Variants in BDKRB2 observed in about 807,000 individuals in gnomAD.
BDKRB2 encodes bradykinin receptor B2, also known as B2 bradykinin receptor.
BDKRB2 carries 6 observed loss-of-function variants against 4.0 expected under a neutral mutation model. The observed-to-expected ratio is 1.49, with a 90% confidence interval of 0.81 to 2.93. The LOEUF (loss-of-function observed/expected upper bound fraction) is 2.93, where lower values mean the gene tolerates loss of function less well. Ranked by LOEUF, BDKRB2 falls within the 30% of genes most tolerant of loss-of-function variation. The probability of loss-of-function intolerance (pLI) is 0.00; values close to 1 mark genes in which losing one functional copy is unlikely to be tolerated. For missense variants in BDKRB2, 478 were observed against 520.1 expected (o/e 0.92, Z 0.79); for synonymous variants, 225 against 215.3 (o/e 1.05, Z -0.40).
At chr14:96,208,488 G>A (rs923342617) in intron 1 of BDKRB2, among the ~76,000 whole-genome samples, 4 of 152,152 alleles carry the variant, frequency 2.6e-5, no homozygotes, top group African/African-American at 9.7e-5. Context: ...CCTGTACAAT[G>A]GGGAGCATCA....
intron 1 of BDKRB2, among the ~76,000 whole-genome samples, chr14:96,209,680 A>G (rs1265285642): frequency 6.6e-6 from 1 of 152,238 alleles, no homozygotes; most frequent in East Asian, 1.9e-4. Context: ...TGCTCAGTCA[A>G]TCTGCATTTT....
intron 1 of BDKRB2, among the ~76,000 whole-genome samples, chr14:96,218,412 G>A (rs545195418): frequency 6.6e-6 from 1 of 152,066 alleles, no homozygotes; most frequent in Non-Finnish European, 1.5e-5. Context: ...GATGACCTTA[G>A]CCAAGGCTCT....
At chr14:96,224,788 C>T (rs989367920) in intron 1 of BDKRB2, among the ~76,000 whole-genome samples, 5 of 152,162 alleles carry the variant, frequency 3.3e-5, no homozygotes, top group East Asian at 1.9e-4. Context: ...CTAGAAAAGG[C>T]GTAACATTGG....
Position 96,241,204 on chromosome 14 carries a change from G to A in BDKRB2, c.876G>A (p.Leu292=). Residue 292 remains leucine, a synonymous_variant, in exon 3 of 3, where the codon CTG becomes CTA. Coordinates refer to ENST00000554311, the MANE Select transcript of BDKRB2 (RefSeq NM_001379692.1). ...TGCCCTTCCAGATCAGCACCTTCCTGGATACGCTGCATCGCCTCGGCATCC... is the reference window on the plus strand; with the variant it reads ...TGCCCTTCCAGATCAGCACCTTCCTAGATACGCTGCATCGCCTCGGCATCC... ...CWLPFQISTF[L]DTLHRLGILS... 3.1e-6 allele frequency: 5 copies of A among 1,608,550 alleles called. No individual in the cohort carries two copies. The highest frequency in any genetic ancestry group is 4.3e-6 in the Non-Finnish European group (5 of 1,176,366).
chr14:96,224,718 A>G (rs1890654747), intron 1 of BDKRB2, among the ~76,000 whole-genome samples: 1 of 152,068 alleles, frequency 6.6e-6, no homozygotes, highest in Admixed American at 6.6e-5. Flanking sequence ...GTCCTGAGAG[A>G]TTCTGGGCCC....
chr14:96,223,933 A>G (rs1174370042), intron 1 of BDKRB2, among the ~76,000 whole-genome samples: 3 of 152,152 alleles, frequency 2.0e-5, no homozygotes, highest in Non-Finnish European at 4.4e-5. Context: ...ACCAGCTGTG[A>G]AGAAAGTAGC....
chr14:96,213,475 C>A (rs1259730241), intron 1 of BDKRB2, among the ~76,000 whole-genome samples: 2 of 147,458 alleles, frequency 1.4e-5, no homozygotes, highest in Non-Finnish European at 3.0e-5. Context: ...TCTTCCTGGG[C>A]CTCTGTCTGG....
intron 1 of BDKRB2, among the ~76,000 whole-genome samples, chr14:96,213,415 T>G (rs1393374058): frequency 6.6e-6 from 1 of 152,004 alleles, no homozygotes. Context: ...TGATGGTTTG[T>G]CCCTAAGCCT....
chr14:96,215,473 A>AAAC (rs1890397147), intron 1 of BDKRB2, among the ~76,000 whole-genome samples: 1 of 150,486 alleles, frequency 6.6e-6, no homozygotes, highest in Non-Finnish European at 1.5e-5. Flanking sequence ...ATGCCAAACA[A>AAAC]AAAAAAAAGG....
intron 2 of BDKRB2, among the ~76,000 whole-genome samples, chr14:96,237,387 G>A (rs1436834020): frequency 2.6e-5 from 4 of 152,192 alleles, no homozygotes; most frequent in Non-Finnish European, 5.9e-5. Flanking sequence ...AGAGGAAGAG[G>A]GGCTCAGGGA....
At chr14:96,210,562 G>T (rs1216824906) in intron 1 of BDKRB2, among the ~76,000 whole-genome samples, 1 of 152,170 alleles carries the variant, frequency 6.6e-6, no homozygotes, top group Non-Finnish European at 1.5e-5. Flanking sequence ...TTGTTTTGTG[G>T]TAAGATCCAC....
chr14:96,212,973 T>G (rs1015226717), intron 1 of BDKRB2, among the ~76,000 whole-genome samples: 1 of 152,196 alleles, frequency 6.6e-6, no homozygotes, highest in Admixed American at 6.5e-5. Flanking sequence ...CTCACAGATG[T>G]GCTAGCTATT....
rs745400008 is a variant in BDKRB2 at position 96,241,208 on chromosome 14, A to G, written c.880A>G (p.Thr294Ala). 1.2e-6 allele frequency: 2 copies of G among 1,608,840 alleles called. No individual in the cohort carries two copies. Among genetic ancestry groups the G allele is most frequent in the South Asian group, 1.1e-5 (1 of 90,438 alleles). ...CTTCCAGATCAGCACCTTCCTGGAT[A>G]CGCTGCATCGCCTCGGCATCCTCTC... ...LPFQISTFLD[T>A]LHRLGILSSC... is the part of the protein sequence containing the mutation. The change falls in exon 3 of 3, where the codon ACG (threonine) becomes GCG (alanine). Residue 294 changes from threonine to alanine, a missense_variant. Coordinates refer to ENST00000554311, the MANE Select transcript of BDKRB2 (RefSeq NM_001379692.1).
rs1019327373 is a variant in BDKRB2 at position 96,226,613 on chromosome 14, C to T, written c.-39-10456C>T. Among the ~76,000 whole-genome samples, 46 of 151,836 alleles carry T rather than the reference C, an allele frequency of 3.0e-4. 1 individual carries two copies. Among genetic ancestry groups the T allele is most frequent in the Non-Finnish European group, 5.3e-4 (36 of 67,982 alleles). ...AGGTTGCAGTGAGCCGAGATCGTGC[C>T]ATTGCACTCCAGCCTGGGCAACAAA... On this transcript the variant is annotated intron_variant, in intron 1 of 2. Coordinates refer to ENST00000554311, the MANE Select transcript of BDKRB2 (RefSeq NM_001379692.1).
intron 2 of BDKRB2, among the ~76,000 whole-genome samples, chr14:96,237,521 T>C (rs1049533588): frequency 1.3e-5 from 2 of 152,164 alleles, no homozygotes; most frequent in African/African-American, 4.8e-5. Flanking sequence ...CCAGATTGCC[T>C]TGGAGACAAA....
chr14:96,206,965 G>A (rs540829419), intron 1 of BDKRB2, among the ~76,000 whole-genome samples: 67 of 152,104 alleles, frequency 4.4e-4, no homozygotes, highest in Non-Finnish European at 9.4e-4. Context: ...CTCATATGGT[G>A]GAAGGGTGAA....
Position 96,216,768 on chromosome 14 carries a change from AAGGAGG to A in BDKRB2, c.-40+11829_-40+11834del, listed in dbSNP as rs1214395657. ...AGGAGGAAGGAGGAGGAGGAGGAGG[AAGGAGG>A]AGGAGGAGGAGGAGGAGGAAGTAGG... On this transcript the variant is annotated intron_variant, in intron 1 of 2. Transcript: ENST00000554311. 4.2e-3 allele frequency among the ~76,000 whole-genome samples: 408 copies of A among 96,002 alleles called. 2 individuals are homozygous for A. The highest frequency in any genetic ancestry group is 6.5e-3 in the African/African-American group (157 of 24,074). 63.0% of individuals were successfully genotyped at this position (96,002 alleles called of 152,430 possible). A position where few individuals can be genotyped will look rare whatever the true frequency, so the allele number is the denominator to read the frequency against.
intron 2 of BDKRB2, among the ~76,000 whole-genome samples, 189 bp downstream of exon 2, chr14:96,237,370 C>T (rs34182981): frequency 0.031 from 4,750 of 152,216 alleles, 143 homozygotes; most frequent in East Asian, 0.13. Context: ...GAATGTTCTG[C>T]GGAACTAGAG....
chr14:96,238,456 T>A (rs1890989227), intron 2 of BDKRB2: 2 of 985,470 alleles, frequency 2.0e-6, no homozygotes, highest in Non-Finnish European at 2.4e-6. Flanking sequence ...TCGGGGGGCA[T>A]ATGAAAGCCA....
Sources: allele counts gnomAD v4.1 joint callset (sites outside exome capture counted in the v4.1 genomes callset), GRCh38; gene constraint gnomAD v4.1.1; transcripts MANE v1.5; gene names NCBI Gene and HGNC (gene_info 2026-07-23, HGNC 2026-07-21).